The following ZZEF1 variants were observed in gnomAD, a reference collection of about 807,000 sequenced individuals.
ZZEF1 encodes the protein zinc finger ZZ-type and EF-hand domain-containing protein 1.
ZZEF1 carries 157 observed loss-of-function variants against 342.8 expected under a neutral mutation model. That is an observed-to-expected ratio of 0.46 (90% CI 0.40 to 0.52). ZZEF1 has a LOEUF of 0.52. ZZEF1 is among the 20% of genes least tolerant of loss of function. The pLI is 0.00. For missense variants in ZZEF1, 3,480 were observed against 3,725.6 expected (o/e 0.93, Z 1.72); for synonymous variants, 1,505 against 1,429.1 (o/e 1.05, Z -1.20).
chr17:4,080,768 G>A (rs1178658371), intron 18 of ZZEF1, among the ~76,000 whole-genome samples: 1 of 152,146 alleles, frequency 6.6e-6, no homozygotes, highest in Non-Finnish European at 1.5e-5. Context: ...TGGGCTCACT[G>A]ACAACCACTA....
intron 16 of ZZEF1, 140 bp from the exon 17 acceptor site, chr17:4,082,644 C>T (rs1422599800): frequency 2.8e-6 from 2 of 722,376 alleles, no homozygotes; most frequent in Non-Finnish European, 4.7e-6. Context: ...CACAGCACCC[C>T]ACTAAAACCC....
At position 4,033,627 on chromosome 17, in the gene ZZEF1, A is replaced by G. The variant is rs144569533; in HGVS notation, c.6584+388T>C. 3.6e-3 allele frequency: 776 copies of G among 215,510 alleles called. 5 individuals are homozygous for G. The highest frequency in any genetic ancestry group is 0.017 in the African/African-American group (744 of 43,496). 13.3% of individuals were successfully genotyped at this position (215,510 alleles called of 1,614,324 possible). A position where few individuals can be genotyped will look rare whatever the true frequency, so the allele number is the denominator to read the frequency against. On this transcript the variant is annotated intron_variant, in intron 40 of 54. Transcript: ENST00000381638. ...GCCTCCCAAAGTGCTGGGATTACAG[A>G]TGTGAGCCACCGTGCCCAGCTTATT...
chr17:4,136,021 T>C (rs28684925), intron 1 of ZZEF1, among the ~76,000 whole-genome samples: 20,878 of 124,746 alleles, frequency 0.17, 1,755 homozygotes, highest in Middle Eastern at 0.24. Flanking sequence ...TTTGAGACGG[T>C]GTCTCGCTGT....
rs749543043 is a variant in ZZEF1 at position 4,142,768 on chromosome 17, G to C, written c.128C>G (p.Ala43Gly). The C allele has an allele frequency of 6.2e-6, 9 of 1,441,572 alleles. No individual in the cohort carries two copies. The highest frequency in any genetic ancestry group is 4.3e-5 in the South Asian group (3 of 69,776). The allele number at this position is 1,441,572 out of a possible 1,614,324, so 89.3% of individuals were successfully genotyped here. A position where few individuals can be genotyped will look rare whatever the true frequency, so the allele number is the denominator to read the frequency against. The change falls in exon 1 of 55, where the codon GCG (alanine) becomes GGG (glycine). Residue 43 changes from alanine (A) to glycine (G), a missense_variant. Around this residue, in one of 5 missense-constraint regions of ZZEF1, gnomAD observed 416 missense variants for 374.2 expected, o/e 1.11. Coordinates refer to ENST00000381638, the MANE Select transcript of ZZEF1 (RefSeq NM_015113.4). ...TTPGPGVAAPALPPAAALLEP... is the reference protein window; with the variant it reads ...TTPGPGVAAPGLPPAAALLEP... ...CAGCAGCGCCGCGGCGGGTGGTAGCGCTGGAGCCGCGACGCCCGGGCCGGG... is the reference window on the plus strand; with the variant it reads ...CAGCAGCGCCGCGGCGGGTGGTAGCCCTGGAGCCGCGACGCCCGGGCCGGG...
chr17:4,077,854 G>C (rs8074454), intron 19 of ZZEF1, 29 bp downstream of exon 19: 509,886 of 1,606,346 alleles, frequency 0.32, 82,580 homozygotes, highest in African/African-American at 0.43. Flanking sequence ...AACGCCATCT[G>C]TTTTCATGGA....
intron 38 of ZZEF1, among the ~76,000 whole-genome samples, chr17:4,043,864 C>T (rs529849395): frequency 1.3e-5 from 2 of 152,194 alleles, no homozygotes; most frequent in Non-Finnish European, 2.9e-5. Context: ...CACCTCATTC[C>T]GCCTCAAATT....
At chr17:4,117,673 T>TAAAG (rs2058420598) in intron 2 of ZZEF1, among the ~76,000 whole-genome samples, 1 of 127,564 alleles carries the variant, frequency 7.8e-6, no homozygotes, top group Non-Finnish European at 1.7e-5. Context: ...AAAAAAGAAT[T>TAAAG]AATTTAATTT....
Position 4,143,008 on chromosome 17 carries a change from G to C in ZZEF1, c.-113C>G. Reference sequence around the variant, plus strand: ...CGGGGACGCGGAGGAGACGACGGCGGCCCCTGCGGCTTCCGGCTTCCTGGC... The same window carrying C: ...CGGGGACGCGGAGGAGACGACGGCGCCCCCTGCGGCTTCCGGCTTCCTGGC... On this transcript the variant is annotated 5_prime_UTR_variant, in exon 1 of 55. Transcript: ENST00000381638. 4.7e-6 allele frequency: 6 copies of C among 1,268,388 alleles called. No individual in the cohort carries two copies. The highest frequency in any genetic ancestry group is 5.9e-6 in the Non-Finnish European group (6 of 1,011,640). 78.6% of individuals were successfully genotyped at this position (1,268,388 alleles called of 1,614,324 possible).
chr17:4,084,851 G>A (rs1035681170), intron 16 of ZZEF1, among the ~76,000 whole-genome samples: 15 of 152,192 alleles, frequency 9.9e-5, no homozygotes, highest in African/African-American at 3.6e-4. Flanking sequence ...AGTGGCTCAC[G>A]CCTGTAATCC....
intron 2 of ZZEF1, among the ~76,000 whole-genome samples, chr17:4,120,940 A>T (rs913540856): frequency 6.6e-6 from 1 of 152,196 alleles, no homozygotes; most frequent in Admixed American, 6.5e-5. Flanking sequence ...CAACACCATG[A>T]GATACAAAAG....
At chr17:4,030,140 AC>A (rs2056509936) in intron 42 of ZZEF1, among the ~76,000 whole-genome samples, 1 of 152,148 alleles carries the variant, frequency 6.6e-6, no homozygotes, top group Non-Finnish European at 1.5e-5. Flanking sequence ...GAAACAGCAA[AC>A]AGAAATAAAA....
intron 1 of ZZEF1, among the ~76,000 whole-genome samples, chr17:4,130,167 T>C (rs1276922000): frequency 6.6e-6 from 1 of 151,618 alleles, no homozygotes; most frequent in African/African-American, 2.4e-5. Context: ...AAAATAAAAA[T>C]ATGAGGTTGG....
chr17:4,034,724 T>C (rs1597791109), intron 39 of ZZEF1, among the ~76,000 whole-genome samples: 1 of 152,204 alleles, frequency 6.6e-6, no homozygotes, highest in Non-Finnish European at 1.5e-5. Flanking sequence ...AGGCCAGGCA[T>C]AGTGACTCAC....
At chr17:4,049,010 C>T (rs1442692872) in intron 37 of ZZEF1, among the ~76,000 whole-genome samples, 2 of 151,550 alleles carry the variant, frequency 1.3e-5, no homozygotes, top group African/African-American at 4.8e-5. Context: ...CTGTGCCTGG[C>T]CAATTAATTT....
chr17:4,112,043 T>TAC (rs2058314370), intron 5 of ZZEF1, among the ~76,000 whole-genome samples: 1 of 13,672 alleles, frequency 7.3e-5, no homozygotes, highest in African/African-American at 5.4e-4. Context: ...AATATATATA[T>TAC]ATATATATAT....
Position 4,042,501 on chromosome 17 carries a change from C to T in ZZEF1, c.6234G>A (p.Glu2078=). 6.2e-7 allele frequency: 1 copy of T among 1,614,154 alleles called. No homozygotes were observed. The highest frequency in any genetic ancestry group is 8.5e-7 in the Non-Finnish European group (1 of 1,180,024). The change falls in exon 39 of 55, where the codon GAG becomes GAA. Residue 2078 remains glutamate (E), a synonymous_variant. Coordinates refer to ENST00000381638, the MANE Select transcript of ZZEF1 (RefSeq NM_015113.4). ...IEEKAVTPSP[E]QVFAECSQKR... is the part of the protein sequence containing the mutation. ...TCTGGGAACACTCAGCAAACACTTG[C>T]TCAGGGCTTGGAGTAACTGCTTTTT...
chr17:4,094,724 T>G (rs1318702293), intron 11 of ZZEF1, among the ~76,000 whole-genome samples: 1 of 152,140 alleles, frequency 6.6e-6, no homozygotes, highest in Non-Finnish European at 1.5e-5. Flanking sequence ...GATGAGGCTT[T>G]TTTCCCTCTC....
chr17:4,045,479 T>G (rs940121092), intron 37 of ZZEF1, among the ~76,000 whole-genome samples: 27 of 152,216 alleles, frequency 1.8e-4, no homozygotes, highest in African/African-American at 6.5e-4. Flanking sequence ...TAGAAAATTC[T>G]TGGTATCTAA....
At chr17:4,057,932 C>T in intron 32 of ZZEF1, 62 bp downstream of exon 32, 1 of 1,544,118 alleles carries the variant, frequency 6.5e-7, no homozygotes, top group Non-Finnish European at 8.9e-7. Flanking sequence ...AACGCCCCCA[C>T]TATGTTCCTT....
Sources: gnomAD v4.1 joint callset for allele counts (sites outside exome capture counted in the v4.1 genomes callset) on GRCh38, gnomAD v4.1.1 for gene constraint, gnomAD v4.1.1 regional missense constraint, MANE v1.5 for transcripts, NCBI Gene and HGNC (gene_info 2026-07-23, HGNC 2026-07-21) for gene names.